The following OC90 variants were observed in gnomAD, a reference collection of about 807,000 sequenced individuals.
OC90 encodes otoconin 90.
OC90 carries 46 observed loss-of-function variants against 47.3 expected under a neutral mutation model. The ratio of observed to expected loss-of-function variants is 0.97; its 90% CI spans 0.77 to 1.24. OC90 has a LOEUF of 1.24. Ranked by LOEUF, OC90 falls within the 50% of genes most tolerant of loss-of-function variation. The probability of loss-of-function intolerance (pLI) is 0.00; values close to 1 mark genes in which losing one functional copy is unlikely to be tolerated. For synonymous variants in OC90, 271 were observed against 219.5 expected, an observed-to-expected ratio of 1.23 and a Z score of -2.07; for missense variants, 688 against 583.9, an observed-to-expected ratio of 1.18 and a Z score of -1.84.
At chr8:132,053,061 C>T (rs1412193458) in intron 2 of OC90, among the ~76,000 whole-genome samples, 1 of 152,096 alleles carries the variant, frequency 6.6e-6, no homozygotes, top group Non-Finnish European at 1.5e-5. Flanking sequence ...GCTTGTACTG[C>T]ACCCTGGGGC....
In OC90 at chr8:132,033,138, C is replaced by A. The variant is rs1297319391; in HGVS notation, c.760G>T (p.Val254Phe). 1 of 1,606,888 alleles carries A rather than the reference C, an allele frequency of 6.2e-7. No homozygotes were observed. The highest frequency in any genetic ancestry group is 8.5e-7 in the Non-Finnish European group (1 of 1,176,594). ...ACAAGGGTTACAATTTTAGCTGTAA[C>A]CCTTGTTGCAACTATCTCTGCAGAT... ...PGSAEIVATR[V>F]TAKIVTLVPA... The change falls in exon 11 of 14, where the codon GTT becomes TTT. Residue 254 changes from valine to phenylalanine, a missense_variant. Val to Phe is a conservative substitution (Grantham distance 50). Coordinates refer to ENST00000254627, the MANE Select transcript of OC90 (RefSeq NM_001080399.3).
At chr8:132,036,268 T>C in intron 9 of OC90, 1 of 733,394 alleles carries the variant, frequency 1.4e-6, no homozygotes, top group South Asian at 1.5e-5. Flanking sequence ...TATTTCAGGT[T>C]CCATTAAGAA....
intron 5 of OC90, 104 bp from the exon 6 acceptor site, chr8:132,041,260 T>C (rs530115362): frequency 5.3e-6 from 4 of 758,962 alleles, no homozygotes; most frequent in African/African-American, 5.2e-5. Flanking sequence ...CTGGCAGTGG[T>C]CTATTTTAAA....
intron 1 of OC90, among the ~76,000 whole-genome samples, chr8:132,056,303 G>A (rs115001493): frequency 0.018 from 2,748 of 152,294 alleles, 90 homozygotes; most frequent in African/African-American, 0.062. Flanking sequence ...ACCCAGGGCC[G>A]TGACGGGTCA....
chr8:132,028,244 C>T (rs1045816226), intron 13 of OC90, among the ~76,000 whole-genome samples: 1 of 152,086 alleles, frequency 6.6e-6, no homozygotes, highest in African/African-American at 2.4e-5. Context: ...TAGCTCATGC[C>T]TGTAATCATA....
chr8:132,028,770 A>G (rs918958204), intron 13 of OC90, among the ~76,000 whole-genome samples: 1 of 144,514 alleles, frequency 6.9e-6, no homozygotes, highest in Non-Finnish European at 1.5e-5. Context: ...GATAGAGAGA[A>G]AGAAAGAAAG....
At chr8:132,040,143 TC>T (rs773534257) in intron 6 of OC90, among the ~76,000 whole-genome samples, 13 of 152,174 alleles carry the variant, frequency 8.5e-5, no homozygotes, top group Admixed American at 2.0e-4. Context: ...CACACCCACC[TC>T]CTCCCCTCAA....
Position 132,024,630 on chromosome 8 carries a change from G to C in OC90, c.1285C>G (p.Leu429Val). The C allele has an allele frequency of 1.2e-6, 2 of 1,613,666 alleles. No individual in the cohort carries two copies. Among genetic ancestry groups the C allele is most frequent in the Non-Finnish European group, 1.7e-6 (2 of 1,179,758 alleles). ...PGQPAACEDS[L>V]HPVPAAPTLG... ...GTGGGGGCTGCGGGCACAGGGTGCAGGCTGTCTTCACAGGCTGCTGGCTGC... is the reference window on the plus strand; with the variant it reads ...GTGGGGGCTGCGGGCACAGGGTGCACGCTGTCTTCACAGGCTGCTGGCTGC... The change falls in exon 14 of 14, where the codon CTG becomes GTG. Residue 429 changes from leucine (L) to valine (V), a missense_variant. Transcript: ENST00000254627.
chr8:132,046,924 C>T (rs1823141315), intron 2 of OC90, among the ~76,000 whole-genome samples: 1 of 152,176 alleles, frequency 6.6e-6, no homozygotes, highest in Non-Finnish European at 1.5e-5. Flanking sequence ...GGTTTCTCAG[C>T]TTCACATTAT....
At chr8:132,058,503 T>A (rs901245959) in intron 1 of OC90, among the ~76,000 whole-genome samples, 1 of 152,204 alleles carries the variant, frequency 6.6e-6, no homozygotes, top group Non-Finnish European at 1.5e-5. Flanking sequence ...ATAGCCAGTG[T>A]CTGAGCCCAA....
rs148303693 is a variant in OC90 at position 132,024,498 on chromosome 8, G to T, written c.1417C>A (p.Pro473Thr). 3.1e-5 allele frequency: 48 copies of T among 1,562,362 alleles called. No homozygotes were observed. The Middle Eastern group carries it at 5.2e-4, about 17-fold the overall frequency. ...CTGGGCATCTATCTTCCATGAAGAG[G>T]CCCGATCCCCAAGGGACCCAGTGAC... ...RKSLGPLGIGPLHGR is the reference protein window; with the variant it reads ...RKSLGPLGIGTLHGR The change falls in exon 14 of 14, where the codon CCT becomes ACT. Residue 473 changes from proline to threonine, a missense_variant. Coordinates refer to ENST00000254627, the MANE Select transcript of OC90 (RefSeq NM_001080399.3).
chr8:132,030,884 C>T (rs138228916), intron 12 of OC90, among the ~76,000 whole-genome samples: 14 of 152,332 alleles, frequency 9.2e-5, no homozygotes, highest in African/African-American at 3.4e-4. Flanking sequence ...AGCTGACATA[C>T]TCCATATTCC....
chr8:132,032,813 G>A (rs1462437080), intron 11 of OC90, among the ~76,000 whole-genome samples: 1 of 152,196 alleles, frequency 6.6e-6, no homozygotes, highest in African/African-American at 2.4e-5. Context: ...CAGGGGCTCA[G>A]AAGACAGTGG....
intron 1 of OC90, among the ~76,000 whole-genome samples, chr8:132,057,497 G>A (rs1478033030): frequency 6.6e-6 from 1 of 152,164 alleles, no homozygotes; most frequent in African/African-American, 2.4e-5. Flanking sequence ...TTATAAGGAG[G>A]TATGATTGGG....
At chr8:132,040,696 C>T (rs1823039207) in intron 6 of OC90, among the ~76,000 whole-genome samples, 2 of 152,176 alleles carry the variant, frequency 1.3e-5, no homozygotes, top group South Asian at 2.1e-4. Context: ...TTCTCCTCCC[C>T]TTTTTGAGGG....
Position 132,024,250 on chromosome 8 carries a change from C to A in OC90, c.*231G>T. On this transcript the variant is annotated 3_prime_UTR_variant, in exon 14 of 14. Transcript: ENST00000254627. Reference sequence around the variant, plus strand: ...GAGTATTTATTGAGCTTCCACAGTGCACTAAAGGAGCATGGAGGTACCATG... The same window carrying A: ...GAGTATTTATTGAGCTTCCACAGTGAACTAAAGGAGCATGGAGGTACCATG... The A allele has an allele frequency of 2.2e-6, 1 of 453,970 alleles. No individual in the cohort carries two copies. The allele number at this position is 453,970 out of a possible 1,614,324, so 28.1% of individuals were successfully genotyped here.
At chr8:132,035,747 C>T (rs1352302175) in intron 9 of OC90, among the ~76,000 whole-genome samples, 36 of 152,106 alleles carry the variant, frequency 2.4e-4, no homozygotes, top group Non-Finnish European at 1.2e-4. Context: ...AGACTCAGAA[C>T]GAAAGGACTA....
chr8:132,030,303 A>C (rs1354194709), intron 12 of OC90, among the ~76,000 whole-genome samples: 1 of 152,200 alleles, frequency 6.6e-6, no homozygotes, highest in Non-Finnish European at 1.5e-5. Flanking sequence ...AATTCTTATA[A>C]AAAAATTATA....
intron 1 of OC90, among the ~76,000 whole-genome samples, chr8:132,059,082 C>T (rs1823313479): frequency 6.7e-6 from 1 of 150,178 alleles, no homozygotes; most frequent in South Asian, 2.2e-4. Context: ...CTCTTTCTCC[C>T]TCCTTTTCTT....
Sources: allele counts gnomAD v4.1 joint callset (sites outside exome capture counted in the v4.1 genomes callset), GRCh38; gene constraint gnomAD v4.1.1; transcripts MANE v1.5; gene names NCBI Gene and HGNC (gene_info 2026-07-23, HGNC 2026-07-21).